The following DLEU7 variants were observed in gnomAD, a reference collection of about 807,000 sequenced individuals.
DLEU7 encodes leukemia-associated protein 7.
Under a neutral mutation model 16.0 loss-of-function variants are expected in DLEU7, and 17 were observed. The ratio of observed to expected loss-of-function variants is 1.06; its 90% CI spans 0.73 to 1.59. DLEU7 has a LOEUF of 1.59. Ranked by LOEUF, DLEU7 falls within the 40% of genes most tolerant of loss-of-function variation. The probability of loss-of-function intolerance (pLI) is 0.00; values close to 1 mark genes in which losing one functional copy is unlikely to be tolerated. For synonymous variants in DLEU7, 113 were observed against 139.8 expected, an observed-to-expected ratio of 0.81 and a Z score of 1.35; for missense variants, 308 against 314.9, an observed-to-expected ratio of 0.98 and a Z score of 0.17.
At chr13:50,787,411 T>C (rs922491263) in intron 1 of DLEU7, among the ~76,000 whole-genome samples, 1 of 152,142 alleles carries the variant, frequency 6.6e-6, no homozygotes, top group African/African-American at 2.4e-5. Context: ...TGGGGTTTCA[T>C]ATCCCATGAC....
At chr13:50,820,536 G>A (rs1388932682), downstream of DLEU7, among the ~76,000 whole-genome samples, 3 of 152,080 alleles carry the variant, frequency 2.0e-5, no homozygotes, top group Non-Finnish European at 4.4e-5. Flanking sequence ...ACAGATTCAG[G>A]GTAGGTAGAT....
Position 50,809,047 on chromosome 13 carries a change from T to A in DLEU7, c.459+34141A>T, listed in dbSNP as rs150716588. Among the ~76,000 whole-genome samples the A allele has an allele frequency of 2.2e-3, 334 of 152,188 alleles. 1 individual carries two copies. Among genetic ancestry groups the A allele is most frequent in the African/African-American group, 7.6e-3 (314 of 41,536 alleles). ...ATCAATTACCAGTGTCCCAGTCAAT[T>A]CCACATGTCAAGAAGCTTGTCTACC... On this transcript the variant is annotated intron_variant, in intron 1 of 1. Coordinates refer to the DLEU7 transcript ENST00000400393.
chr13:50,770,642 A>C (rs955948012), intron 1 of DLEU7, among the ~76,000 whole-genome samples: 1 of 152,184 alleles, frequency 6.6e-6, no homozygotes, highest in Non-Finnish European at 1.5e-5. Context: ...GTGGTGGATA[A>C]GCTTTTTGAT....
intron 1 of DLEU7, among the ~76,000 whole-genome samples, chr13:50,773,454 G>A (rs913939354): frequency 1.1e-4 from 17 of 152,190 alleles, no homozygotes; most frequent in Non-Finnish European, 2.4e-4. Context: ...TGGAGTTTTA[G>A]TGTGGTTGTC....
At chr13:50,773,100 G>A (rs1183899189) in intron 1 of DLEU7, among the ~76,000 whole-genome samples, 7 of 152,140 alleles carry the variant, frequency 4.6e-5, no homozygotes, top group South Asian at 2.1e-4. Flanking sequence ...TTCTCGTGCC[G>A]TGGTTTTCAG....
downstream of DLEU7, chr13:50,711,055 A>G (rs1369643219): frequency 1.3e-5 from 2 of 152,322 alleles, no homozygotes; most frequent in East Asian, 1.9e-4. Context: ...ACACTTTACT[A>G]TATATTTTTA....
At chr13:50,826,697 A>T (rs1394373860) in intron 1 of DLEU7, among the ~76,000 whole-genome samples, 2 of 152,214 alleles carry the variant, frequency 1.3e-5, no homozygotes, top group Non-Finnish European at 2.9e-5. Flanking sequence ...ATATTAAGGA[A>T]GTAAAATATG....
At chr13:50,826,362 C>T (rs12323166) in intron 1 of DLEU7, among the ~76,000 whole-genome samples, 1,994 of 152,034 alleles carry the variant, frequency 0.013, 45 homozygotes, top group African/African-American at 0.044. Context: ...AAAAAACAGG[C>T]TTGCAAAAGA....
At chr13:50,797,460 T>C (rs1315406483) in intron 1 of DLEU7, among the ~76,000 whole-genome samples, 1 of 152,216 alleles carries the variant, frequency 6.6e-6, no homozygotes, top group Non-Finnish European at 1.5e-5. Flanking sequence ...GTACAAGAAG[T>C]GTTTTTTCTT....
chr13:50,755,812 G>T (rs553389382), intron 1 of DLEU7, among the ~76,000 whole-genome samples: 124 of 152,162 alleles, frequency 8.1e-4, no homozygotes, highest in Admixed American at 2.5e-3. Flanking sequence ...TACCAGTGTT[G>T]TTTTTCTGCT....
At chr13:50,755,755 G>T (rs550914546) in intron 1 of DLEU7, among the ~76,000 whole-genome samples, 1 of 47,238 alleles carries the variant, frequency 2.1e-5, no homozygotes, top group Non-Finnish European at 4.7e-5. Flanking sequence ...TTTTTTTTGA[G>T]GGGGGGGGCA....
chr13:50,719,331 A>C (rs1311331404), intron 1 of DLEU7, among the ~76,000 whole-genome samples: 1 of 152,204 alleles, frequency 6.6e-6, no homozygotes, highest in Non-Finnish European at 1.5e-5. Flanking sequence ...TGAGAGTGGA[A>C]ATATACTTAT....
At chr13:50,804,163 T>C (rs766807155) in intron 1 of DLEU7, among the ~76,000 whole-genome samples, 1 of 152,234 alleles carries the variant, frequency 6.6e-6, no homozygotes, top group Non-Finnish European at 1.5e-5. Flanking sequence ...CCATGTATTT[T>C]CTATTTTTTC....
At position 50,803,208 on chromosome 13, in the gene DLEU7, G is replaced by A. The variant is rs373247178; in HGVS notation, c.459+39980C>T. Among the ~76,000 whole-genome samples, 302 of 152,170 alleles carry A rather than the reference G, an allele frequency of 2.0e-3. 4 individuals carry two copies. In the South Asian group the frequency reaches 0.032, roughly 16 times the overall value. ...AAATTTCCCTCAACTAAGATTGTAC[G>A]AATTTATACTTTAACCATCAGTGTG... On this transcript the variant is annotated intron_variant, in intron 1 of 1. Transcript: ENST00000400393.
At chr13:50,801,709 C>T (rs562821033) in intron 1 of DLEU7, among the ~76,000 whole-genome samples, 8 of 152,156 alleles carry the variant, frequency 5.3e-5, no homozygotes, top group Admixed American at 6.5e-5. Context: ...GACCTCAGCG[C>T]GCCCTTGTAC....
At chr13:50,730,867 G>T (rs1053290176) in intron 1 of DLEU7, among the ~76,000 whole-genome samples, 1 of 152,114 alleles carries the variant, frequency 6.6e-6, no homozygotes, top group Admixed American at 6.6e-5. Context: ...AATAAATAGA[G>T]TCTGGAGACA....
intron 1 of DLEU7, among the ~76,000 whole-genome samples, chr13:50,807,354 G>T (rs944208312): frequency 8.6e-5 from 13 of 151,844 alleles, no homozygotes; most frequent in Non-Finnish European, 1.6e-4. Context: ...CTTAAAGATG[G>T]TCATCAAAAA....
chr13:50,725,714 A>G (rs1040498312), intron 1 of DLEU7, among the ~76,000 whole-genome samples: 1 of 152,188 alleles, frequency 6.6e-6, no homozygotes, highest in Admixed American at 6.5e-5. Flanking sequence ...GTGTCCACCT[A>G]CAGCCATGGT....
intron 1 of DLEU7, among the ~76,000 whole-genome samples, chr13:50,833,453 G>T (rs567841566): frequency 1.3e-5 from 2 of 152,192 alleles, no homozygotes; most frequent in Non-Finnish European, 2.9e-5. Flanking sequence ...GCAACAAAGA[G>T]AATAAAATAC....
Sources: gnomAD v4.1 joint callset for allele counts (sites outside exome capture counted in the v4.1 genomes callset) on GRCh38, gnomAD v4.1.1 for gene constraint, MANE v1.5 for transcripts, NCBI Gene and HGNC (gene_info 2026-07-23, HGNC 2026-07-21) for gene names.